Variants in LRRC37A2 observed in about 807,000 individuals in gnomAD.
The protein encoded by LRRC37A2 is leucine-rich repeat-containing protein 37A2.
In LRRC37A2, 9 loss-of-function variants were observed where a neutral mutation model predicts 68.8. That is an observed-to-expected ratio of 0.13 (90% CI 0.08 to 0.23). The LOEUF (loss-of-function observed/expected upper bound fraction) is 0.23, where lower values mean the gene tolerates loss of function less well. Ranked by LOEUF, LRRC37A2 falls within the 10% of genes least tolerant of loss-of-function variation. The pLI is 1.00. For synonymous variants in LRRC37A2, 63 were observed against 367.6 expected (o/e 0.17, Z 9.48); for missense variants, 168 against 950.4 (o/e 0.18, Z 10.82).
the LRRC37A2 span, among the ~76,000 whole-genome samples, chr17:46,809,950 T>G: frequency 2.6e-5 from 4 of 151,994 alleles, no homozygotes; most frequent in Non-Finnish European, 5.9e-5. Context: ...AGGTCCATTC[T>G]TAGCACTGTC....
the LRRC37A2 span, chr17:47,018,856 C>T: frequency 2.6e-6 from 4 of 1,520,074 alleles, no homozygotes; most frequent in South Asian, 2.2e-5. Context: ...ACCATCACTC[C>T]AGAATCCATG....
chr17:46,610,015 TTC>T, the LRRC37A2 span, among the ~76,000 whole-genome samples: 1 of 81,214 alleles, frequency 1.2e-5, no homozygotes, highest in Non-Finnish European at 2.9e-5. Context: ...CTCTCTTTCT[TTC>T]TTTCTTTCTT....
At chr17:46,913,960 T>C in the LRRC37A2 span, among the ~76,000 whole-genome samples, 417 of 152,180 alleles carry the variant, frequency 2.7e-3, no homozygotes, top group Non-Finnish European at 4.5e-3. Context: ...GGTTTCACCA[T>C]GTTGGCTAGA....
At chr17:46,713,662 A>G in the LRRC37A2 span, among the ~76,000 whole-genome samples, 2 of 152,218 alleles carry the variant, frequency 1.3e-5, no homozygotes, top group Non-Finnish European at 2.9e-5. Context: ...CTTTTGAGAA[A>G]TGCTAATTAG....
At chr17:46,742,594 A>G in the LRRC37A2 span, among the ~76,000 whole-genome samples, 1 of 152,124 alleles carries the variant, frequency 6.6e-6, no homozygotes, top group Admixed American at 6.6e-5. Flanking sequence ...TGCAGTTTTA[A>G]ATGGAGGTAT....
chr17:46,978,516 C>G, the LRRC37A2 span: 1 of 1,168,736 alleles, frequency 8.6e-7, no homozygotes, highest in Non-Finnish European at 1.2e-6. Flanking sequence ...CGCCGCGTCC[C>G]CGCCCGGGCG....
At chr17:46,708,206 C>T in the LRRC37A2 span, among the ~76,000 whole-genome samples, 1 of 152,076 alleles carries the variant, frequency 6.6e-6, no homozygotes, top group African/African-American at 2.4e-5. Flanking sequence ...CGGGTATATA[C>T]TCAGAAGTGG....
At chr17:46,953,507 T>A in the LRRC37A2 span, among the ~76,000 whole-genome samples, 1 of 152,186 alleles carries the variant, frequency 6.6e-6, no homozygotes, top group African/African-American at 2.4e-5. Context: ...GCAATAAACA[T>A]ACGTGTGCAT....
chr17:46,707,727 G>C, the LRRC37A2 span, among the ~76,000 whole-genome samples: 1 of 151,916 alleles, frequency 6.6e-6, no homozygotes. Context: ...CCTTTTTAAG[G>C]CTGGATAATA....
chr17:46,832,433 G>C, the LRRC37A2 span, among the ~76,000 whole-genome samples: 3 of 146,044 alleles, frequency 2.1e-5, no homozygotes, highest in Non-Finnish European at 3.0e-5. Context: ...AGGGAGGTTG[G>C]GGGGAGAAAG....
the LRRC37A2 span, among the ~76,000 whole-genome samples, chr17:46,980,738 C>T: frequency 6.6e-6 from 1 of 150,690 alleles, no homozygotes; most frequent in Non-Finnish European, 1.5e-5. Flanking sequence ...GAGGCTGAGG[C>T]AGGAGAATGG....
the LRRC37A2 span, among the ~76,000 whole-genome samples, chr17:46,458,480 C>T: frequency 1.1e-5 from 1 of 88,930 alleles, no homozygotes; most frequent in African/African-American, 3.7e-5. Context: ...ATTTAACTGC[C>T]TGGGTTCTGG....
At chr17:46,915,850 T>C in the LRRC37A2 span, among the ~76,000 whole-genome samples, 3 of 152,244 alleles carry the variant, frequency 2.0e-5, no homozygotes, top group Admixed American at 6.5e-5. Context: ...TTTTATGGCA[T>C]TGAACAATAC....
the LRRC37A2 span, among the ~76,000 whole-genome samples, chr17:46,951,711 CAGAT>C: frequency 8.8e-4 from 134 of 152,260 alleles, 3 homozygotes; most frequent in Non-Finnish European, 1.7e-3. Context: ...GCCCCAAAGT[CAGAT>C]AGTGACACAA....
At chr17:46,691,528 G>A in the LRRC37A2 span, among the ~76,000 whole-genome samples, 1 of 147,324 alleles carries the variant, frequency 6.8e-6, no homozygotes, top group South Asian at 2.2e-4. Context: ...CCGGGAGGCA[G>A]AGGTTGCAGT....
the LRRC37A2 span, among the ~76,000 whole-genome samples, chr17:46,893,946 T>A: frequency 6.6e-6 from 1 of 152,180 alleles, no homozygotes; most frequent in Non-Finnish European, 1.5e-5. Flanking sequence ...ACAGTGATGC[T>A]GAGCACGGCA....
the LRRC37A2 span, among the ~76,000 whole-genome samples, chr17:46,837,032 T>G: frequency 6.6e-6 from 1 of 152,044 alleles, no homozygotes. Context: ...AACCTCCACC[T>G]CCCAGGTTCA....
the LRRC37A2 span, among the ~76,000 whole-genome samples, chr17:46,971,198 A>C: frequency 6.6e-6 from 1 of 151,782 alleles, no homozygotes; most frequent in Non-Finnish European, 1.5e-5. Context: ...TGAGCCAGGC[A>C]TGGTGGTGGG....
At chr17:46,499,342 G>GGT in the LRRC37A2 span, among the ~76,000 whole-genome samples, 20 of 139,606 alleles carry the variant, frequency 1.4e-4, 1 homozygote, top group Middle Eastern at 7.5e-3. Flanking sequence ...AAAAGGTGGG[G>GGT]GGACAATGTT....
Sources: allele counts gnomAD v4.1 joint callset (sites outside exome capture counted in the v4.1 genomes callset), GRCh38; gene constraint gnomAD v4.1.1; transcripts MANE v1.5; gene names NCBI Gene and HGNC (gene_info 2026-07-23, HGNC 2026-07-21).